The following TMTC1 variants were observed in gnomAD, a reference collection of about 807,000 sequenced individuals.
TMTC1 encodes the protein protein O-mannosyl-transferase TMTC1.
Under a neutral mutation model 104.8 loss-of-function variants are expected in TMTC1, and 73 were observed. The ratio of observed to expected loss-of-function variants is 0.70; its 90% CI spans 0.58 to 0.85. The LOEUF is 0.85. TMTC1 is among the 40% of genes least tolerant of loss of function. The pLI, the probability that TMTC1 is intolerant of heterozygous loss-of-function variation, is 0.00. For synonymous variants in TMTC1, 434 were observed against 428.7 expected (o/e 1.01, Z -0.15); for missense variants, 1,035 against 1,096.1 (o/e 0.94, Z 0.79).
intron 7 of TMTC1, among the ~76,000 whole-genome samples, chr12:29,602,000 T>C (rs1236023856): frequency 6.6e-6 from 1 of 151,688 alleles, no homozygotes; most frequent in Non-Finnish European, 1.5e-5. Flanking sequence ...CGTGCCTGGC[T>C]AATTTTTGTA....
At chr12:29,533,244 C>A (rs1337992680) in intron 11 of TMTC1, 2 of 152,096 alleles carry the variant, frequency 1.3e-5, no homozygotes, top group African/African-American at 4.8e-5. Context: ...TTTGTCAAAT[C>A]CCCTACTTTG....
intron 5 of TMTC1, among the ~76,000 whole-genome samples, chr12:29,638,507 C>G (rs1447641476): frequency 1.3e-5 from 2 of 152,108 alleles, no homozygotes; most frequent in Non-Finnish European, 2.9e-5. Context: ...TTTTCTGGTA[C>G]ACTAGGGCAA....
chr12:29,520,126 T>C (rs765797636), intron 12 of TMTC1, among the ~76,000 whole-genome samples: 15 of 152,372 alleles, frequency 9.8e-5, no homozygotes, highest in Non-Finnish European at 2.1e-4. Context: ...AAGTGTATTT[T>C]ATATAGCACC....
At chr12:29,510,557 T>C (rs1467019911) in intron 17 of TMTC1, among the ~76,000 whole-genome samples, 1 of 152,184 alleles carries the variant, frequency 6.6e-6, no homozygotes, top group Non-Finnish European at 1.5e-5. Flanking sequence ...CGTGCTTGAA[T>C]TCACCACCTA....
chr12:29,622,542 C>T (rs1365530740), intron 6 of TMTC1, among the ~76,000 whole-genome samples: 1 of 152,178 alleles, frequency 6.6e-6, no homozygotes, highest in African/African-American at 2.4e-5. Flanking sequence ...AGCCGTGGTT[C>T]TCCTGGGGCA....
intron 1 of TMTC1, among the ~76,000 whole-genome samples, chr12:29,771,395 G>T (rs1943590902): frequency 6.6e-6 from 1 of 152,146 alleles, no homozygotes; most frequent in Non-Finnish European, 1.5e-5. Flanking sequence ...ACGTGTGTCA[G>T]TTATCAAAAC....
At chr12:29,745,724 G>A (rs1392157420) in intron 5 of TMTC1, among the ~76,000 whole-genome samples, 1 of 151,340 alleles carries the variant, frequency 6.6e-6, no homozygotes, top group Non-Finnish European at 1.5e-5. Flanking sequence ...GTGTCTGAAC[G>A]ACAGGACCCT....
rs375529056 is a variant in TMTC1 at position 29,737,178 on chromosome 12, G to A, written c.938+14488C>T. On this transcript the variant is annotated intron_variant, in intron 5 of 17. Transcript: ENST00000539277. Reference sequence around the variant, plus strand: ...GAGACATCCTATTTCTCTCCAACACGATGATGCCATGGCTCAGAGCCAGGC... The same window carrying A: ...GAGACATCCTATTTCTCTCCAACACAATGATGCCATGGCTCAGAGCCAGGC... Among the ~76,000 whole-genome samples, 21 of 152,342 alleles carry A rather than the reference G, an allele frequency of 1.4e-4. No homozygotes were observed. In the East Asian group the frequency reaches 2.5e-3, roughly 18 times the overall value.
intron 5 of TMTC1, among the ~76,000 whole-genome samples, chr12:29,634,779 A>G (rs926365466): frequency 2.6e-5 from 4 of 152,240 alleles, no homozygotes; most frequent in African/African-American, 9.6e-5. Flanking sequence ...CTCATTTGTC[A>G]GGTTCTTTTA....
chr12:29,595,355 C>A (rs1946379897), intron 7 of TMTC1, among the ~76,000 whole-genome samples: 1 of 152,214 alleles, frequency 6.6e-6, no homozygotes. Context: ...TTGACCTACT[C>A]TCTGCTCACT....
At position 29,758,721 on chromosome 12, in the gene TMTC1, G is replaced by T. The variant is rs752330535; in HGVS notation, c.537C>A (p.Ala179=). 6.2e-7 allele frequency: 1 copy of T among 1,613,536 alleles called. No individual in the cohort carries two copies. Among genetic ancestry groups the T allele is most frequent in the Non-Finnish European group, 8.5e-7 (1 of 1,179,766 alleles). The change falls in exon 3 of 18, where the codon GCC becomes GCA. Residue 179 remains alanine, a synonymous_variant. Transcript: ENST00000539277. The stretch of plus-strand genomic sequence containing the variant: ...ACACATACCTGTTGTACGAGAGAAA[G>T]GCCAATAGAAACAGCAGACACGCTA... ...DVLACLLFLL[A]FLSYNRSLDQ... is the part of the protein sequence containing the mutation.
At chr12:29,675,589 T>TACACACAC (rs10605906) in intron 5 of TMTC1, among the ~76,000 whole-genome samples, 35 of 116,626 alleles carry the variant, frequency 3.0e-4, no homozygotes, top group East Asian at 1.3e-3. Flanking sequence ...CACATGCAAA[T>TACACACAC]ACACACACAC....
chr12:29,741,602 A>C (rs187317591), intron 5 of TMTC1, among the ~76,000 whole-genome samples: 56 of 152,324 alleles, frequency 3.7e-4, no homozygotes, highest in African/African-American at 1.2e-3. Context: ...ACCCTGTGCT[A>C]TCTCTCATTT....
intron 3 of TMTC1, among the ~76,000 whole-genome samples, chr12:29,756,316 G>A (rs1051250006): frequency 3.3e-5 from 5 of 152,168 alleles, no homozygotes; most frequent in African/African-American, 1.2e-4. Flanking sequence ...GTTCCCTTAT[G>A]TGTGAAAAGG....
intron 5 of TMTC1, among the ~76,000 whole-genome samples, chr12:29,718,802 G>A (rs952111962): frequency 6.6e-5 from 10 of 151,868 alleles, no homozygotes; most frequent in Non-Finnish European, 1.2e-4. Flanking sequence ...GAGTGGTGAC[G>A]GGTGCCTGTA....
chr12:29,525,584 C>CTT (rs35435790), intron 11 of TMTC1, among the ~76,000 whole-genome samples: 28,208 of 145,384 alleles, frequency 0.19, 2,940 homozygotes, highest in East Asian at 0.38. Flanking sequence ...CATGAAAAGC[C>CTT]TTTTTTTTTT....
chr12:29,580,627 C>A (rs1247307003), intron 8 of TMTC1, among the ~76,000 whole-genome samples: 1 of 152,160 alleles, frequency 6.6e-6, no homozygotes, highest in African/African-American at 2.4e-5. Flanking sequence ...GGAGTCTCTG[C>A]CAAGGGCATC....
intron 6 of TMTC1, among the ~76,000 whole-genome samples, chr12:29,617,533 CAACA>C (rs200210929): frequency 0.057 from 6,814 of 120,234 alleles, 501 homozygotes; most frequent in African/African-American, 0.2. Context: ...GCAAAACAGA[CAACA>C]GAGAGAGAGA....
intron 5 of TMTC1, among the ~76,000 whole-genome samples, chr12:29,708,873 A>G (rs1941823800): frequency 6.6e-6 from 1 of 152,192 alleles, no homozygotes; most frequent in South Asian, 2.1e-4. Flanking sequence ...ATCAAGGGCC[A>G]AGTCCCAACA....
Sources: gnomAD v4.1 joint callset for allele counts (sites outside exome capture counted in the v4.1 genomes callset) on GRCh38, gnomAD v4.1.1 for gene constraint, MANE v1.5 for transcripts, NCBI Gene and HGNC (gene_info 2026-07-23, HGNC 2026-07-21) for gene names.